The following CSMD1 variants were observed in gnomAD, a reference collection of about 807,000 sequenced individuals.
CSMD1 encodes the protein CUB and Sushi multiple domains 1.
A neutral mutation model predicts 417.5 loss-of-function variants in CSMD1; 213 were observed. The observed-to-expected ratio is 0.51, with a 90% CI of 0.46 to 0.57. The LOEUF (loss-of-function observed/expected upper bound fraction) is 0.57, where lower values mean the gene tolerates loss of function less well. CSMD1 is among the 20% of genes least tolerant of loss of function. The pLI, the probability that CSMD1 is intolerant of heterozygous loss-of-function variation, is 0.00. For missense variants in CSMD1, 6,923 were observed against 4,529.7 expected (o/e 1.53, Z -15.17); for synonymous variants, 2,862 against 1,736.8 (o/e 1.65, Z -16.11).
intron 3 of CSMD1, among the ~76,000 whole-genome samples, chr8:4,168,794 C>G (rs1797602478): frequency 6.6e-6 from 1 of 152,104 alleles, no homozygotes; most frequent in Non-Finnish European, 1.5e-5. Context: ...CTCCTCTTCC[C>G]TTTCATTTTC....
intron 3 of CSMD1, among the ~76,000 whole-genome samples, chr8:4,200,387 A>T (rs1473126092): frequency 1.3e-5 from 2 of 152,196 alleles, no homozygotes; most frequent in Non-Finnish European, 2.9e-5. Context: ...CAACTTTAAA[A>T]AGCAGAAAAA....
chr8:3,343,402 T>C lies in CSMD1; in HGVS notation c.3523A>G (p.Lys1175Glu), dbSNP rs928081217. The change falls in exon 23 of 70, where the codon AAA (lysine) becomes GAA (glutamate). Residue 1175 changes from lysine (K) to glutamate (E), a missense_variant. Lys to Glu is a moderately conservative substitution (Grantham distance 56). Transcript: ENST00000635120. ...AGGATCAGCCCCAGAAGTTCATTTT[T>C]AGTGAACGTGCCCAGTGGACGTGAG... ...SSSRPLGTFT[K>E]NELLGLILNS... is the part of the protein sequence containing the mutation. 2 of 1,613,726 alleles carry C rather than the reference T, an allele frequency of 1.2e-6. No homozygotes were observed. Among genetic ancestry groups the C allele is most frequent in the South Asian group, 1.1e-5 (1 of 91,086 alleles).
chr8:4,810,569 G>A (rs188321117), intron 1 of CSMD1, among the ~76,000 whole-genome samples: 2 of 152,278 alleles, frequency 1.3e-5, no homozygotes, highest in East Asian at 1.9e-4. Context: ...GTGTATGTGG[G>A]GGGTGGTGGC....
Position 4,460,436 on chromosome 8 carries a change from C to G in CSMD1, c.303-40371G>C, listed in dbSNP as rs1260891054. Reference sequence around the variant, plus strand: ...CCACCTCACTGTCCTGGAAAAAGTACAAGCTAAACTTACGGTAAGCAGAAT... The same window carrying G: ...CCACCTCACTGTCCTGGAAAAAGTAGAAGCTAAACTTACGGTAAGCAGAAT... On this transcript the variant is annotated intron_variant, in intron 2 of 69. Coordinates refer to ENST00000635120, the MANE Select transcript of CSMD1 (RefSeq NM_033225.6). 3.9e-5 allele frequency among the ~76,000 whole-genome samples: 6 copies of G among 151,984 alleles called. No homozygotes were observed. The East Asian group carries it at 1.2e-3, about 29-fold the overall frequency.
chr8:3,859,915 C>A lies in CSMD1; in HGVS notation c.819-105873G>T, dbSNP rs1340536359. Among the ~76,000 whole-genome samples, 4 of 152,138 alleles carry A rather than the reference C, an allele frequency of 2.6e-5. No individual in the cohort carries two copies. The South Asian group carries it at 8.3e-4, about 32-fold the overall frequency. On this transcript the variant is annotated intron_variant, in intron 5 of 69. Transcript: ENST00000635120. ...ACATATATTCTTCTTCTGTAATAAG[C>A]TATAACCATGAGTGTAATAGCTTTT...
At chr8:3,960,117 C>G (rs574033326) in intron 5 of CSMD1, among the ~76,000 whole-genome samples, 9 of 152,110 alleles carry the variant, frequency 5.9e-5, no homozygotes, top group Non-Finnish European at 1.2e-4. Flanking sequence ...ACAGGTTGTT[C>G]AAAATGATAA....
At chr8:3,321,426 C>T (rs1192215289) in intron 23 of CSMD1, among the ~76,000 whole-genome samples, 5 of 152,192 alleles carry the variant, frequency 3.3e-5, no homozygotes, top group Non-Finnish European at 5.9e-5. Flanking sequence ...CATATTCCTC[C>T]TGAAGGCTCT....
chr8:2,973,045 T>A (rs1804598120), intron 57 of CSMD1, 72 bp downstream of exon 57: 19 of 1,440,436 alleles, frequency 1.3e-5, no homozygotes, highest in Non-Finnish European at 1.8e-5. Flanking sequence ...TTGTAGAATT[T>A]TGCCAGGCAT....
intron 48 of CSMD1, among the ~76,000 whole-genome samples, chr8:3,088,783 G>C (rs568890057): frequency 7.3e-6 from 1 of 136,352 alleles, no homozygotes; most frequent in African/African-American, 2.8e-5. Context: ...ACTTAGTTTA[G>C]ACAAAGTATG....
intron 3 of CSMD1, among the ~76,000 whole-genome samples, chr8:4,160,152 A>G (rs1287861312): frequency 6.6e-6 from 1 of 152,070 alleles, no homozygotes; most frequent in African/African-American, 2.4e-5. Flanking sequence ...ATTAACTTTG[A>G]AAATTATGAT....
At chr8:2,988,745 G>A (rs778981324) in intron 54 of CSMD1, among the ~76,000 whole-genome samples, 3 of 152,124 alleles carry the variant, frequency 2.0e-5, no homozygotes, top group African/African-American at 7.2e-5. Context: ...TTACTGGGTT[G>A]AGTATAATGA....
At chr8:4,259,340 C>T (rs1585114205) in intron 3 of CSMD1, among the ~76,000 whole-genome samples, 1 of 152,104 alleles carries the variant, frequency 6.6e-6, no homozygotes, top group African/African-American at 2.4e-5. Flanking sequence ...AAATCACAGC[C>T]TGAGAACAGG....
intron 23 of CSMD1, among the ~76,000 whole-genome samples, chr8:3,328,908 A>G (rs1210105334): frequency 6.6e-6 from 1 of 152,228 alleles, no homozygotes; most frequent in East Asian, 1.9e-4. Context: ...CCTTCAAAAT[A>G]AGACAGCAAG....
chr8:4,417,416 C>T (rs1185405769), intron 3 of CSMD1, among the ~76,000 whole-genome samples: 1 of 151,944 alleles, frequency 6.6e-6, no homozygotes, highest in Admixed American at 6.6e-5. Context: ...TTACATAGAT[C>T]TTAGAACTTT....
chr8:3,175,483 T>TG (rs1820863960), intron 37 of CSMD1, among the ~76,000 whole-genome samples: 2 of 121,588 alleles, frequency 1.6e-5, no homozygotes, highest in Non-Finnish European at 1.7e-5. Context: ...TTCCCTTCCT[T>TG]CCTGCCTGCC....
Position 4,776,044 on chromosome 8 carries a change from G to A in CSMD1, c.86-138486C>T, listed in dbSNP as rs147439045. ...CTTGAGGGCAGTTTGACAAATTACA[G>A]ATGTGATGATTCTAGGAAATGAGTG... is the stretch of plus-strand genomic sequence containing the variant. On this transcript the variant is annotated intron_variant, in intron 1 of 69. Transcript: ENST00000635120. Among the ~76,000 whole-genome samples, 122 of 152,220 alleles carry A rather than the reference G, an allele frequency of 8.0e-4. 3 individuals are homozygous for A. In the East Asian group the frequency reaches 0.022, roughly 28 times the overall value.
chr8:3,710,608 C>A (rs1801451600), intron 6 of CSMD1, among the ~76,000 whole-genome samples: 3 of 152,096 alleles, frequency 2.0e-5, no homozygotes, highest in Admixed American at 2.0e-4. Context: ...TGTGCTTGGC[C>A]CCTGTGTATT....
At chr8:4,977,487 G>C (rs1377331894) in intron 1 of CSMD1, among the ~76,000 whole-genome samples, 1 of 152,108 alleles carries the variant, frequency 6.6e-6, no homozygotes, top group Non-Finnish European at 1.5e-5. Flanking sequence ...ATCTCTTCTG[G>C]GCTTTCTTCA....
Position 3,699,466 on chromosome 8 carries a change from C to T in CSMD1, c.1009+8948G>A, listed in dbSNP as rs117482358. 7.2e-5 allele frequency among the ~76,000 whole-genome samples: 11 copies of T among 152,306 alleles called. No individual in the cohort carries two copies. In the East Asian group the frequency reaches 9.7e-4, roughly 13 times the overall value. On this transcript the variant is annotated intron_variant, in intron 7 of 69. Coordinates refer to ENST00000635120, the MANE Select transcript of CSMD1 (RefSeq NM_033225.6). ...GTCTACAGATAAGACATTTCAGCCA[C>T]GGAGGAAGTCCTTTAAAGAGGACTT...
Sources: allele counts gnomAD v4.1 joint callset (sites outside exome capture counted in the v4.1 genomes callset), GRCh38; gene constraint gnomAD v4.1.1; transcripts MANE v1.5; gene names NCBI Gene and HGNC (gene_info 2026-07-23, HGNC 2026-07-21).